The following PLEKHA2 variants were observed in gnomAD, a reference collection of about 807,000 sequenced individuals.
PLEKHA2 encodes pleckstrin homology domain-containing family A member 2.
A neutral mutation model predicts 53.2 loss-of-function variants in PLEKHA2; 28 were observed. The ratio of observed to expected loss-of-function variants is 0.53; its 90% CI spans 0.39 to 0.72. PLEKHA2 has a LOEUF of 0.72. PLEKHA2 is among the 30% of genes least tolerant of loss of function. The probability of loss-of-function intolerance (pLI) is 0.00; values close to 1 mark genes in which losing one functional copy is unlikely to be tolerated. For synonymous variants in PLEKHA2, 193 were observed against 196.4 expected, an observed-to-expected ratio of 0.98 and a Z score of 0.14; for missense variants, 426 against 537.9, an observed-to-expected ratio of 0.79 and a Z score of 2.06.
intron 3 of PLEKHA2, among the ~76,000 whole-genome samples, chr8:38,940,260 G>A (rs1834579573): frequency 6.6e-6 from 1 of 152,112 alleles, no homozygotes; most frequent in South Asian, 2.1e-4. Flanking sequence ...TTAGCCAGGT[G>A]TGGTGGTGCG....
intron 2 of PLEKHA2, among the ~76,000 whole-genome samples, chr8:38,926,201 G>T (rs1834285681): frequency 6.6e-6 from 1 of 152,080 alleles, no homozygotes; most frequent in Non-Finnish European, 1.5e-5. Context: ...AACTATCCAT[G>T]TAGACTTGTG....
intron 9 of PLEKHA2, among the ~76,000 whole-genome samples, chr8:38,956,086 G>A (rs565320890): frequency 9.5e-4 from 144 of 152,296 alleles, no homozygotes; most frequent in Non-Finnish European, 1.7e-3. Context: ...GATTACAGGC[G>A]TAAGCCACTG....
intron 1 of PLEKHA2, among the ~76,000 whole-genome samples, chr8:38,904,456 C>A (rs1202713106): frequency 6.6e-6 from 1 of 152,180 alleles, no homozygotes; most frequent in African/African-American, 2.4e-5. Flanking sequence ...AGTTAAAGTG[C>A]GAAGGCTGGG....
rs184365041 is a variant in PLEKHA2 at position 38,921,009 on chromosome 8, C to T, written c.141+2939C>T. ...AGAGACGGGGTTTCATCATATTGGT[C>T]AGGCTGGTCTTGAACTCCTGACGTC... On this transcript the variant is annotated intron_variant, in intron 2 of 11. Transcript: ENST00000617275. Among the ~76,000 whole-genome samples, 308 of 152,220 alleles carry T rather than the reference C, an allele frequency of 2.0e-3. 2 individuals carry two copies. The highest frequency in any genetic ancestry group is 1.5e-3 in the Non-Finnish European group (103 of 68,012).
rs756769162 is a variant in PLEKHA2 at position 38,970,114 on chromosome 8, C to T, written c.*331C>T. On this transcript the variant is annotated 3_prime_UTR_variant, in exon 12 of 12. Coordinates refer to ENST00000617275, the MANE Select transcript of PLEKHA2 (RefSeq NM_021623.2). ...GAGAGGGATTGTTTTAGCAGCTCCT[C>T]TCCAGAGGGGGCTGGAAGTCCAGTT... is the stretch of plus-strand genomic sequence containing the variant. 2.2e-6 allele frequency: 1 copy of T among 453,390 alleles called. No individual in the cohort carries two copies. 28.1% of individuals were successfully genotyped at this position (453,390 alleles called of 1,614,324 possible).
chr8:38,905,707 CAG>C (rs1833861093), intron 1 of PLEKHA2, among the ~76,000 whole-genome samples: 1 of 115,690 alleles, frequency 8.6e-6, no homozygotes, highest in African/African-American at 3.2e-5. Context: ...TTTTTTGAGA[CAG>C]AGTCTCGCCC....
At chr8:38,935,414 C>T (rs1007839325) in intron 2 of PLEKHA2, among the ~76,000 whole-genome samples, 1 of 151,400 alleles carries the variant, frequency 6.6e-6, no homozygotes, top group Admixed American at 6.6e-5. Context: ...GGAACTTGTT[C>T]ACAGTGGAGC....
chr8:38,928,718 A>G (rs1206133507), intron 2 of PLEKHA2, among the ~76,000 whole-genome samples: 1 of 152,214 alleles, frequency 6.6e-6, no homozygotes, highest in East Asian at 1.9e-4. Context: ...CATTAAGCCC[A>G]CGCAGCAGAG....
chr8:38,905,587 T>G (rs1833858860), intron 1 of PLEKHA2, among the ~76,000 whole-genome samples: 1 of 151,808 alleles, frequency 6.6e-6, no homozygotes, highest in Non-Finnish European at 1.5e-5. Context: ...GGAACAGAGC[T>G]AGGCCATTTA....
chr8:38,923,537 T>C lies in PLEKHA2; in HGVS notation c.141+5467T>C, dbSNP rs185788200. Among the ~76,000 whole-genome samples the C allele has an allele frequency of 1.9e-3, 284 of 152,322 alleles. 2 individuals carry two copies. Among genetic ancestry groups the C allele is most frequent in the Middle Eastern group, 3.4e-3 (1 of 294 alleles). ...GTGATCCTTACGTGCCTTTTATCCT[T>C]TCATTTCCTGAGAATAGAAGGAGAT... On this transcript the variant is annotated intron_variant, in intron 2 of 11. Transcript: ENST00000617275.
chr8:38,921,350 G>T (rs1394163408), intron 2 of PLEKHA2, among the ~76,000 whole-genome samples: 2 of 152,184 alleles, frequency 1.3e-5, no homozygotes, highest in African/African-American at 2.4e-5. Context: ...TGCTTTACCC[G>T]AACTGACTTG....
Position 38,946,376 on chromosome 8 carries a change from C to A in PLEKHA2, c.345+155C>A, listed in dbSNP as rs529484454. ...TCTCCCACCTCGTCTTTTTCCTTGG[C>A]TGACCAAACACAAGTTGAACTGAGA... On this transcript the variant is annotated intron_variant, in intron 5 of 11. Transcript: ENST00000617275. Among the ~76,000 whole-genome samples, 15 of 152,318 alleles carry A rather than the reference C, an allele frequency of 9.8e-5. No homozygotes were observed. The East Asian group carries it at 2.7e-3, about 27-fold the overall frequency.
intron 5 of PLEKHA2, among the ~76,000 whole-genome samples, chr8:38,948,698 G>A (rs1834764248): frequency 6.6e-6 from 1 of 152,150 alleles, no homozygotes; most frequent in African/African-American, 2.4e-5. Flanking sequence ...GGATCCTTAG[G>A]TCTTTCTTAC....
chr8:38,955,135 T>A (rs757471879), intron 9 of PLEKHA2, among the ~76,000 whole-genome samples: 1 of 152,204 alleles, frequency 6.6e-6, no homozygotes, highest in Non-Finnish European at 1.5e-5. Flanking sequence ...AGTGGTGATT[T>A]CTGAGATTGT....
At chr8:38,950,562 G>A (rs1032285339) in intron 5 of PLEKHA2, 4 of 288,948 alleles carry the variant, frequency 1.4e-5, no homozygotes, top group East Asian at 6.6e-5. Flanking sequence ...GGGGACCCAC[G>A]TGTGTTTCGC....
chr8:38,968,896 TTC>T, intron 11 of PLEKHA2: 2 of 425,664 alleles, frequency 4.7e-6, no homozygotes, highest in South Asian at 4.2e-5. Context: ...GAAATGGAAT[TTC>T]TTTTTTTTTT....
chr8:38,943,647 C>T (rs1834652688), intron 3 of PLEKHA2, 142 bp from the exon 4 acceptor site: 1 of 638,622 alleles, frequency 1.6e-6, no homozygotes, highest in African/African-American at 1.9e-5. Flanking sequence ...ATGATGAGTA[C>T]AGGGTTTTCA....
chr8:38,936,009 G>A lies in PLEKHA2; in HGVS notation c.157G>A (p.Ala53Thr), dbSNP rs779932159. The A allele has an allele frequency of 1.2e-6, 2 of 1,613,450 alleles. No homozygotes were observed. Among genetic ancestry groups the A allele is most frequent in the Non-Finnish European group, 1.7e-6 (2 of 1,179,580 alleles). ...MDNPQNLAMG[A>T]GAVGALQLTY... ...TGTCTTTCAGAATCTGGCAATGGGG[G>A]CAGGAGCTGTTGGAGCTTTGCAGCT... Residue 53 changes from alanine (A) to threonine (T), a missense_variant, in exon 3 of 12, where the codon GCA (alanine) becomes ACA (threonine). Coordinates refer to ENST00000617275, the MANE Select transcript of PLEKHA2 (RefSeq NM_021623.2).
At chr8:38,949,032 A>G (rs967954414) in intron 5 of PLEKHA2, among the ~76,000 whole-genome samples, 9 of 151,964 alleles carry the variant, frequency 5.9e-5, no homozygotes, top group Non-Finnish European at 1.2e-4. Context: ...CACTACGCCC[A>G]GCTAATTTTT....
Sources: gnomAD v4.1 joint callset for allele counts (sites outside exome capture counted in the v4.1 genomes callset) on GRCh38, gnomAD v4.1.1 for gene constraint, MANE v1.5 for transcripts, NCBI Gene and HGNC (gene_info 2026-07-23, HGNC 2026-07-21) for gene names.